The following LGR5 variants were observed in gnomAD, a reference collection of about 807,000 sequenced individuals.
LGR5 encodes the protein leucine rich repeat containing G protein-coupled receptor 5, also known as leucine-rich repeat-containing G protein-coupled receptor 5.
A neutral mutation model predicts 76.7 loss-of-function variants in LGR5; 54 were observed. The observed-to-expected ratio is 0.70, with a 90% CI of 0.57 to 0.88. The LOEUF is 0.88. Among genes scored for constraint, LGR5 ranks in the 40% least tolerant of loss-of-function variants. The pLI is 0.00. For missense variants in LGR5, 1,078 were observed against 1,073.3 expected, an observed-to-expected ratio of 1.00 and a Z score of -0.06; for synonymous variants, 406 against 421.9, an observed-to-expected ratio of 0.96 and a Z score of 0.46.
At chr12:71,568,933 G>A (rs1878474465) in intron 11 of LGR5, among the ~76,000 whole-genome samples, 1 of 152,214 alleles carries the variant, frequency 6.6e-6, no homozygotes, top group African/African-American at 2.4e-5. Context: ...GCTTAGGCAA[G>A]TCATTTCATA....
At chr12:71,555,384 T>C (rs537338501) in intron 5 of LGR5, among the ~76,000 whole-genome samples, 1 of 152,180 alleles carries the variant, frequency 6.6e-6, no homozygotes, top group East Asian at 1.9e-4. Flanking sequence ...CTTTTGAGAG[T>C]TGGTCCAGTT....
chr12:71,449,007 T>C (rs1872139582), intron 1 of LGR5, among the ~76,000 whole-genome samples: 1 of 152,186 alleles, frequency 6.6e-6, no homozygotes, highest in Non-Finnish European at 1.5e-5. Flanking sequence ...TGGAAGAAAT[T>C]TGCGACCCAA....
chr12:71,571,940 G>C (rs1194574316), intron 12 of LGR5, among the ~76,000 whole-genome samples: 1 of 152,066 alleles, frequency 6.6e-6, no homozygotes, highest in Non-Finnish European at 1.5e-5. Context: ...GTGGGGACTT[G>C]GGTTTGTTGG....
chr12:71,555,411 T>C (rs1253890795), intron 5 of LGR5, among the ~76,000 whole-genome samples: 5 of 152,202 alleles, frequency 3.3e-5, no homozygotes. Context: ...TGTGCACAGC[T>C]GTTCTCACTG....
chr12:71,445,376 T>G (rs908025263), intron 1 of LGR5, among the ~76,000 whole-genome samples: 2 of 152,214 alleles, frequency 1.3e-5, no homozygotes, highest in Non-Finnish European at 2.9e-5. Context: ...ATTTTTGATG[T>G]ATCTTGGTAG....
At chr12:71,454,955 G>C (rs1049458329) in intron 1 of LGR5, among the ~76,000 whole-genome samples, 21 of 151,924 alleles carry the variant, frequency 1.4e-4, no homozygotes, top group African/African-American at 5.1e-4. Context: ...TATCACTACG[G>C]TGCAGGGGAA....
intron 1 of LGR5, among the ~76,000 whole-genome samples, chr12:71,500,168 A>T (rs1874535756): frequency 6.6e-6 from 1 of 152,138 alleles, no homozygotes; most frequent in Non-Finnish European, 1.5e-5. Context: ...TGAAAAAAAA[A>T]ATAGAGCTTC....
chr12:71,580,194 A>G, intron 15 of LGR5, 84 bp from the exon 16 acceptor site: 1 of 1,297,164 alleles, frequency 7.7e-7, no homozygotes, highest in South Asian at 1.5e-5. Flanking sequence ...CCAAAGGTAG[A>G]ATAATTGGGT....
intron 1 of LGR5, among the ~76,000 whole-genome samples, chr12:71,454,776 A>C (rs1014162942): frequency 4.1e-5 from 6 of 147,038 alleles, no homozygotes; most frequent in South Asian, 2.2e-4. Flanking sequence ...CATAGACACA[A>C]ACACACACAC....
chr12:71,581,521 C>A (rs1200405960), intron 16 of LGR5, among the ~76,000 whole-genome samples: 1 of 152,222 alleles, frequency 6.6e-6, no homozygotes, highest in Admixed American at 6.5e-5. Context: ...AGTCTGTCTG[C>A]AGATAACCTT....
At chr12:71,543,890 C>T (rs574342058) in intron 4 of LGR5, among the ~76,000 whole-genome samples, 91 of 152,178 alleles carry the variant, frequency 6.0e-4, no homozygotes, top group Middle Eastern at 3.4e-3. Context: ...GATTTTAAAC[C>T]CTGGTGATAC....
chr12:71,456,865 G>A (rs1329866723), intron 1 of LGR5, among the ~76,000 whole-genome samples: 1 of 151,950 alleles, frequency 6.6e-6, no homozygotes, highest in Non-Finnish European at 1.5e-5. Flanking sequence ...TTTAGAAGCT[G>A]ACATTTCCAC....
chr12:71,573,400 A>C (rs562856298), intron 13 of LGR5, among the ~76,000 whole-genome samples: 34 of 152,348 alleles, frequency 2.2e-4, no homozygotes, highest in African/African-American at 8.2e-4. Flanking sequence ...GGGACTGGGA[A>C]TCTGCATTTT....
At chr12:71,445,667 G>A (rs894799457) in intron 1 of LGR5, among the ~76,000 whole-genome samples, 1 of 152,156 alleles carries the variant, frequency 6.6e-6, no homozygotes, top group Non-Finnish European at 1.5e-5. Flanking sequence ...CTGTTTAATG[G>A]ATTAAGCCCA....
At chr12:71,524,536 T>C in intron 3 of LGR5, 59 bp downstream of exon 3, 1 of 1,225,034 alleles carries the variant, frequency 8.2e-7, no homozygotes, top group African/African-American at 1.5e-5. Context: ...TGGCTGCTAA[T>C]TAACTTGTAA....
intron 1 of LGR5, among the ~76,000 whole-genome samples, chr12:71,504,344 A>G (rs184988636): frequency 6.6e-6 from 1 of 152,314 alleles, no homozygotes; most frequent in African/African-American, 2.4e-5. Context: ...TTAAGCATAA[A>G]GAATTACAAC....
In LGR5 at chr12:71,512,031, G is replaced by A. The variant is rs147105745; in HGVS notation, c.284+7346G>A. ...TTTTTAGACAAAGTCTCACTCTGTC[G>A]CCCAGGCTGCAGTGCAGTGGCACGA... On this transcript the variant is annotated intron_variant, in intron 2 of 17. Transcript: ENST00000266674. 7.5e-4 allele frequency among the ~76,000 whole-genome samples: 114 copies of A among 151,990 alleles called. No individual in the cohort carries two copies. In the East Asian group the frequency reaches 0.017, roughly 23 times the overall value.
At chr12:71,487,156 T>G (rs1007360689) in intron 1 of LGR5, among the ~76,000 whole-genome samples, 3 of 152,318 alleles carry the variant, frequency 2.0e-5, no homozygotes, top group South Asian at 4.1e-4. Context: ...ATGGTTATTT[T>G]TTGTCATCTC....
intron 2 of LGR5, among the ~76,000 whole-genome samples, chr12:71,521,500 A>C (rs1875726001): frequency 6.6e-6 from 1 of 152,186 alleles, no homozygotes; most frequent in Admixed American, 6.5e-5. Flanking sequence ...TTCTGCAGGA[A>C]GGGGAAATTG....
Sources: gnomAD v4.1 joint callset for allele counts (sites outside exome capture counted in the v4.1 genomes callset) on GRCh38, gnomAD v4.1.1 for gene constraint, MANE v1.5 for transcripts, NCBI Gene and HGNC (gene_info 2026-07-23, HGNC 2026-07-21) for gene names.